The following BTN2A2 variants were observed in gnomAD, a reference collection of about 807,000 sequenced individuals.
BTN2A2 encodes the protein butyrophilin 2.
Under a neutral mutation model 34.7 loss-of-function variants are expected in BTN2A2, and 29 were observed. The observed-to-expected ratio is 0.84, with a 90% CI of 0.62 to 1.14. The LOEUF is 1.14. Among genes scored for constraint, BTN2A2 ranks in the 50% most tolerant of loss-of-function variants. BTN2A2 has a pLI of 0.00. For synonymous variants in BTN2A2, 240 were observed against 253.1 expected, an observed-to-expected ratio of 0.95 and a Z score of 0.49; for missense variants, 612 against 651.5, an observed-to-expected ratio of 0.94 and a Z score of 0.66.
rs1761648407 is a variant in BTN2A2 at position 26,392,502 on chromosome 6, T to C, written c.1107T>C (p.Pro369=). 1 of 1,614,136 alleles carries C rather than the reference T, an allele frequency of 6.2e-7. No homozygotes were observed. Among genetic ancestry groups the C allele is most frequent in the East Asian group, 2.2e-5 (1 of 44,906 alleles). Residue 369 remains proline (P), a synonymous_variant, in exon 8 of 8, where the codon CCT becomes CCC. Transcript: ENST00000356709. ...ACCCAGAGAGATTCGACAGTCAGCC[T>C]TGTGTCCTGGGATGGGAGAGCTTCG... ...PDNPERFDSQ[P]CVLGWESFAS...
At position 26,388,010 on chromosome 6, in the gene BTN2A2, C is replaced by T. The variant is rs748279471; in HGVS notation, c.443-3C>T. ...TTGGCTGAGCCCTGGTCTCCCTTTC[C>T]AGGCCTTGGGTCTAAGCCCCTCATT... On this transcript the variant is annotated splice_polypyrimidine_tract_variant and splice_region_variant and intron_variant, in intron 3 of 7. Coordinates refer to ENST00000356709, the MANE Select transcript of BTN2A2 (RefSeq NM_006995.5). 9.3e-6 allele frequency: 15 copies of T among 1,607,370 alleles called. No homozygotes were observed. The African/African-American group carries it at 1.6e-4, about 17-fold the overall frequency.
rs147636357 is a variant in BTN2A2, at chr6:26,383,860, C to A, written c.39C>A (p.Ala13=). ...CTGCTCTGCACTTCTCCCTGCCAGC[C>A]TCCCTCCTCCTCCTCCTGCTCCTCC... ...PAAALHFSLP[A]SLLLLLLLLL... is the part of the protein sequence containing the mutation. The change falls in exon 2 of 8, where the codon GCC becomes GCA. Residue 13 remains alanine (A), a synonymous_variant. Transcript: ENST00000356709. The surrounding 1 kb of genome is among the most constrained non-coding windows in gnomAD (Gnocchi z 4.4). The A allele has an allele frequency of 1.2e-4, 189 of 1,614,166 alleles. 1 individual carries two copies. The African/African-American group carries it at 2.4e-3, about 21-fold the overall frequency.
At chr6:26,385,489 T>C in intron 3 of BTN2A2, 127 bp downstream of exon 3, 1 of 922,144 alleles carries the variant, frequency 1.1e-6, no homozygotes, top group Non-Finnish European at 1.6e-6. Context: ...ACAGAGAAAG[T>C]GGCTTCCTCT....
At chr6:26,390,330 A>G in intron 5 of BTN2A2, 119 bp downstream of exon 5, 1 of 1,055,106 alleles carries the variant, frequency 9.5e-7, no homozygotes, top group Non-Finnish European at 1.4e-6. Flanking sequence ...GTACCGGCTT[A>G]GGGAAGAGAG....
chr6:26,383,733 C>A lies in BTN2A2; in HGVS notation c.-30-59C>A, dbSNP rs1761005545. 1 of 1,391,548 alleles carries A rather than the reference C, an allele frequency of 7.2e-7. No individual in the cohort carries two copies. Among genetic ancestry groups the A allele is most frequent in the Admixed American group, 1.7e-5 (1 of 58,050 alleles). The allele number at this position is 1,391,548 out of a possible 1,614,324, so 86.2% of individuals were successfully genotyped here. A position where few individuals can be genotyped will look rare whatever the true frequency, so the allele number is the denominator to read the frequency against. On this transcript the variant is annotated intron_variant, in intron 1 of 7. Transcript: ENST00000356709. This position sits in a 1 kb window ranked among gnomAD's most constrained non-coding sequence, Gnocchi z 4.4. ...TACTTGAGTGACAGGAGAGGTTGGG[C>A]CCGACCAGCACTGAGGTGCCAAGAC...
intron 4 of BTN2A2, among the ~76,000 whole-genome samples, chr6:26,389,114 TAAAAAA>T (rs1330577640): frequency 2.0e-5 from 3 of 150,440 alleles, no homozygotes; most frequent in Non-Finnish European, 3.0e-5. Context: ...GACTCTGTCT[TAAAAAA>T]GAAAAAGAAA....
chr6:26,394,376 C>T lies in BTN2A2; in HGVS notation c.*1409C>T, dbSNP rs1385356800. 1 of 689,406 alleles carries T rather than the reference C, an allele frequency of 1.5e-6. No homozygotes were observed. Among genetic ancestry groups the T allele is most frequent in the Non-Finnish European group, 2.6e-6 (1 of 378,264 alleles). 42.7% of individuals were successfully genotyped at this position (689,406 alleles called of 1,614,324 possible). ...CTGGGTGTGTCTGTGAGTGTGTTTC[C>T]AGAAGAGATTGGCAAGTGAGTCAGT... is the stretch of plus-strand genomic sequence containing the variant. On this transcript the variant is annotated 3_prime_UTR_variant, in exon 8 of 8. Coordinates refer to ENST00000356709, the MANE Select transcript of BTN2A2 (RefSeq NM_006995.5).
chr6:26,383,844 A>C lies in BTN2A2; in HGVS notation c.23A>C (p.His8Pro), dbSNP rs1355205352. Residue 8 changes from histidine (H) to proline (P), a missense_variant, in exon 2 of 8, where the codon CAC (histidine) becomes CCC (proline). By Grantham distance (77) the His-to-Pro change is moderately conservative (BLOSUM62 -2). Transcript: ENST00000356709. The surrounding 1 kb of genome is among the most constrained non-coding windows in gnomAD (Gnocchi z 4.4). ...CTCATGGAACCAGCTGCTGCTCTGC[A>C]CTTCTCCCTGCCAGCCTCCCTCCTC... is the stretch of plus-strand genomic sequence containing the variant. MEPAAAL[H>P]FSLPASLLLL... 2 of 1,613,910 alleles carry C rather than the reference A, an allele frequency of 1.2e-6. No homozygotes were observed. Among genetic ancestry groups the C allele is most frequent in the South Asian group, 1.1e-5 (1 of 91,070 alleles).
In BTN2A2 at chr6:26,393,886, T is replaced by A; in HGVS notation, c.*919T>A. The A allele has an allele frequency of 2.3e-6, 1 of 443,432 alleles. No individual in the cohort carries two copies. Among genetic ancestry groups the A allele is most frequent in the Non-Finnish European group, 3.0e-6 (1 of 333,308 alleles). 27.5% of individuals were successfully genotyped at this position (443,432 alleles called of 1,614,324 possible). A position where few individuals can be genotyped will look rare whatever the true frequency, so the allele number is the denominator to read the frequency against. On this transcript the variant is annotated 3_prime_UTR_variant, in exon 8 of 8. Coordinates refer to ENST00000356709, the MANE Select transcript of BTN2A2 (RefSeq NM_006995.5). Reference sequence around the variant, plus strand: ...AACAAAAATTTAAAATGTTATCTTTTAATTTATGTTAAAATAGCATTAATA... The same window carrying A: ...AACAAAAATTTAAAATGTTATCTTTAAATTTATGTTAAAATAGCATTAATA...
chr6:26,390,984 A>C, intron 7 of BTN2A2, 155 bp downstream of exon 7: 1 of 1,131,286 alleles, frequency 8.8e-7, no homozygotes, highest in East Asian at 2.4e-5. Flanking sequence ...ATGATGCATC[A>C]TGGCTCTTCT....
intron 3 of BTN2A2, 64 bp from the exon 4 acceptor site, chr6:26,387,949 A>G: frequency 1.3e-6 from 2 of 1,512,738 alleles, no homozygotes; most frequent in African/African-American, 1.4e-5. Context: ...GCAACCATCC[A>G]TCAAGGTGCA....
intron 4 of BTN2A2, among the ~76,000 whole-genome samples, chr6:26,388,580 A>T (rs751659140): frequency 3.3e-5 from 5 of 152,168 alleles, no homozygotes; most frequent in African/African-American, 1.2e-4. Context: ...ACAACCATCA[A>T]ACCTGGAGAG....
rs1337772601 is a variant in BTN2A2 at position 26,390,141 on chromosome 6, G to A, written c.861G>A (p.Lys287=). The A allele has an allele frequency of 6.2e-7, 1 of 1,613,940 alleles. No individual in the cohort carries two copies. The highest frequency in any genetic ancestry group is 8.5e-7 in the Non-Finnish European group (1 of 1,179,986). The change falls in exon 5 of 8, where the codon AAG becomes AAA. Residue 287 remains lysine, a synonymous_variant. Transcript: ENST00000356709. The part of the protein sequence containing the change: ...IFMAVSICCI[K]KLQREKKILS... ...TGGCTGTCAGCATCTGTTGCATCAA[G>A]AAACTTCAAAGGGAAAAAAAGATTC...
chr6:26,391,939 C>G, intron 7 of BTN2A2: 1 of 460,032 alleles, frequency 2.2e-6, no homozygotes. Context: ...ATGATAGACT[C>G]ACTTAATTGA....
chr6:26,393,764 T>G lies in BTN2A2; in HGVS notation c.*797T>G. ...AATGGGGACACCAGTGGCTTCAAACTTCCTGATCTAATTATGTTTTTAGAC... is the reference window on the plus strand; with the variant it reads ...AATGGGGACACCAGTGGCTTCAAACGTCCTGATCTAATTATGTTTTTAGAC... On this transcript the variant is annotated 3_prime_UTR_variant, in exon 8 of 8. Coordinates refer to ENST00000356709, the MANE Select transcript of BTN2A2 (RefSeq NM_006995.5). 1 of 986,444 alleles carries G rather than the reference T, an allele frequency of 1.0e-6. No homozygotes were observed. The highest frequency in any genetic ancestry group is 1.2e-6 in the Non-Finnish European group (1 of 830,686). The allele number at this position is 986,444 out of a possible 1,614,324, so 61.1% of individuals were successfully genotyped here.
chr6:26,393,216 A>T lies in BTN2A2; in HGVS notation c.*249A>T. The stretch of plus-strand genomic sequence containing the variant: ...CCAGGCATAGGGAACTAGTTGTTTC[A>T]TAGCTCCCAGTCAAAAAGAAAGTGA... On this transcript the variant is annotated 3_prime_UTR_variant, in exon 8 of 8. Coordinates refer to ENST00000356709, the MANE Select transcript of BTN2A2 (RefSeq NM_006995.5). 1 of 1,505,040 alleles carries T rather than the reference A, an allele frequency of 6.6e-7. No homozygotes were observed. 93.2% of individuals were successfully genotyped at this position (1,505,040 alleles called of 1,614,324 possible).
chr6:26,385,319 AG>A lies in BTN2A2; in HGVS notation c.401del (p.Gly134AlafsTer60). 5.6e-6 allele frequency: 9 copies of A among 1,614,090 alleles called. No homozygotes were observed. Among genetic ancestry groups the A allele is most frequent in the Non-Finnish European group, 7.6e-6 (9 of 1,179,988 alleles). ...NGIYRCYFQE[G>X]RSYDEAILRL... ...GGATCTACCGCTGTTACTTCCAAGA[AG>A]GCAGGTCCTACGATGAGGCCATCCT... On this transcript the variant is annotated frameshift_variant, in exon 3 of 8. Coordinates refer to ENST00000356709, the MANE Select transcript of BTN2A2 (RefSeq NM_006995.5). LOFTEE classifies it high-confidence loss of function.
At chr6:26,390,989 T>A in intron 7 of BTN2A2, 160 bp downstream of exon 7, 2 of 1,095,770 alleles carry the variant, frequency 1.8e-6, no homozygotes, top group Non-Finnish European at 1.4e-6. Flanking sequence ...GCATCATGGC[T>A]CTTCTGTCAG....
In BTN2A2 at chr6:26,390,053, T is replaced by C; in HGVS notation, c.773T>C (p.Ile258Thr). The stretch of plus-strand genomic sequence containing the variant: ...CCCTGGATGGTGGCCCTAGCTGTCA[T>C]CCTGACCGCATCTCCCTGGATGGTG... ...ASPWMVALAV[I>T]LTASPWMVSM... The change falls in exon 5 of 8, where the codon ATC (isoleucine) becomes ACC (threonine). Residue 258 changes from isoleucine to threonine, a missense_variant. By Grantham distance (89) the Ile-to-Thr change is moderately conservative. Transcript: ENST00000356709. 6.2e-7 allele frequency: 1 copy of C among 1,614,172 alleles called. No individual in the cohort carries two copies. The highest frequency in any genetic ancestry group is 8.5e-7 in the Non-Finnish European group (1 of 1,180,036).
Sources: allele counts gnomAD v4.1 joint callset (sites outside exome capture counted in the v4.1 genomes callset), GRCh38; gene constraint gnomAD v4.1.1; non-coding constraint Gnocchi (gnomAD v3.1); transcripts MANE v1.5; gene names NCBI Gene and HGNC (gene_info 2026-07-23, HGNC 2026-07-21).